Variants in TNIK observed in about 807,000 individuals in gnomAD.
TNIK encodes TRAF2 and NCK interacting kinase.
A neutral mutation model predicts 191.3 loss-of-function variants in TNIK; 49 were observed. The observed-to-expected ratio is 0.26, with a 90% CI of 0.20 to 0.32. TNIK has a LOEUF of 0.32. Ranked by LOEUF, TNIK falls within the 10% of genes least tolerant of loss-of-function variation. The probability of loss-of-function intolerance (pLI) is 1.00; values close to 1 mark genes in which losing one functional copy is unlikely to be tolerated. For synonymous variants in TNIK, 594 were observed against 600.9 expected, an observed-to-expected ratio of 0.99 and a Z score of 0.17; for missense variants, 1,155 against 1,702.3, an observed-to-expected ratio of 0.68 and a Z score of 5.66.
chr3:171,146,254 G>A (rs1392280661), intron 12 of TNIK, among the ~76,000 whole-genome samples: 1 of 152,112 alleles, frequency 6.6e-6, no homozygotes, highest in Non-Finnish European at 1.5e-5. Flanking sequence ...CTTCTACATT[G>A]TCTTCTTGTT....
chr3:171,253,294 A>AG (rs1746456604), intron 2 of TNIK, among the ~76,000 whole-genome samples: 2 of 151,672 alleles, frequency 1.3e-5, no homozygotes, highest in African/African-American at 4.8e-5. Context: ...AAAAAAAAAA[A>AG]AGAAATAACT....
At chr3:171,219,128 T>C (rs1408312445) in intron 3 of TNIK, among the ~76,000 whole-genome samples, 1 of 134,302 alleles carries the variant, frequency 7.4e-6, no homozygotes, top group Non-Finnish European at 1.5e-5. Context: ...TATAAATATA[T>C]AATTATAAAT....
chr3:171,194,074 T>C (rs1738369310), intron 5 of TNIK, among the ~76,000 whole-genome samples: 1 of 152,196 alleles, frequency 6.6e-6, no homozygotes, highest in Non-Finnish European at 1.5e-5. Context: ...ACAATCCTTA[T>C]AAACTTTATA....
chr3:171,108,551 G>A (rs146565013), intron 19 of TNIK, among the ~76,000 whole-genome samples: 16 of 152,190 alleles, frequency 1.1e-4, no homozygotes, highest in African/African-American at 2.9e-4. Flanking sequence ...ACAACTGTCC[G>A]GAGGTCACAC....
intron 2 of TNIK, among the ~76,000 whole-genome samples, chr3:171,338,145 T>A (rs906586718): frequency 6.6e-6 from 1 of 151,742 alleles, no homozygotes; most frequent in Non-Finnish European, 1.5e-5. Flanking sequence ...GGCTCCCCAC[T>A]CCAAGTCTTT....
At chr3:171,295,385 C>T (rs564345304) in intron 2 of TNIK, among the ~76,000 whole-genome samples, 1 of 152,314 alleles carries the variant, frequency 6.6e-6, no homozygotes, top group East Asian at 1.9e-4. Flanking sequence ...TCAGGCCCCT[C>T]CCCAAGAAAT....
chr3:171,423,371 T>C (rs573909951), intron 1 of TNIK, among the ~76,000 whole-genome samples: 32 of 152,048 alleles, frequency 2.1e-4, no homozygotes, highest in Non-Finnish European at 2.9e-4. Flanking sequence ...TGCTCATGGG[T>C]AGGAAGAATC....
In TNIK at chr3:171,135,294, AC is replaced by A. The variant is rs373919005; in HGVS notation, c.1608+2896del. 3.0e-3 allele frequency among the ~76,000 whole-genome samples: 458 copies of A among 152,358 alleles called. 4 individuals carry two copies. Among genetic ancestry groups the A allele is most frequent in the African/African-American group, 8.5e-3 (354 of 41,584 alleles). ...AATGCTTTACATAAAAAGTTCATAC[AC>A]TGCTGATGAGAAGCATTAAAAGATC... On this transcript the variant is annotated intron_variant, in intron 15 of 32. Coordinates refer to ENST00000436636, the MANE Select transcript of TNIK (RefSeq NM_015028.4).
chr3:171,076,486 A>G (rs551031524), intron 28 of TNIK, among the ~76,000 whole-genome samples: 1 of 152,286 alleles, frequency 6.6e-6, no homozygotes, highest in East Asian at 1.9e-4. Flanking sequence ...TGTGTCTCAT[A>G]CTTTTCTGAG....
Position 171,234,977 on chromosome 3 carries a change from T to C in TNIK, c.124-6756A>G, listed in dbSNP as rs112067102. On this transcript the variant is annotated intron_variant, in intron 2 of 32. Coordinates refer to ENST00000436636, the MANE Select transcript of TNIK (RefSeq NM_015028.4). ...CTCTCACTGGCTCTCATCTAATTTATACCACAGAATTACCACAATCATCTG... is the reference window on the plus strand; with the variant it reads ...CTCTCACTGGCTCTCATCTAATTTACACCACAGAATTACCACAATCATCTG... 5.3e-3 allele frequency among the ~76,000 whole-genome samples: 802 copies of C among 152,354 alleles called. 6 individuals are homozygous for C. Among genetic ancestry groups the C allele is most frequent in the Admixed American group, 0.012 (190 of 15,300 alleles).
At chr3:171,248,470 TGGC>T (rs1745860461) in intron 2 of TNIK, among the ~76,000 whole-genome samples, 1 of 152,214 alleles carries the variant, frequency 6.6e-6, no homozygotes, top group Non-Finnish European at 1.5e-5. Flanking sequence ...TAGTACATGT[TGGC>T]TAAAAATGAT....
intron 4 of TNIK, among the ~76,000 whole-genome samples, chr3:171,195,513 C>A (rs983103335): frequency 2.6e-5 from 4 of 152,116 alleles, no homozygotes; most frequent in African/African-American, 9.7e-5. Context: ...AATGGAGCCA[C>A]AATAAAACCA....
chr3:171,349,575 C>T (rs994432380), intron 2 of TNIK, among the ~76,000 whole-genome samples: 1 of 152,160 alleles, frequency 6.6e-6, no homozygotes, highest in African/African-American at 2.4e-5. Context: ...CAGTGTCACA[C>T]AATTAGATTG....
chr3:171,371,852 G>A (rs1213754063), intron 1 of TNIK, among the ~76,000 whole-genome samples: 7 of 152,176 alleles, frequency 4.6e-5, no homozygotes, highest in African/African-American at 1.7e-4. Context: ...TTGCTTGGTG[G>A]TGTTTCTGCA....
At chr3:171,343,267 C>A (rs1405784080) in intron 2 of TNIK, among the ~76,000 whole-genome samples, 1 of 152,134 alleles carries the variant, frequency 6.6e-6, no homozygotes, top group Non-Finnish European at 1.5e-5. Context: ...ACAGGGATAA[C>A]TCATTTTGAT....
rs192254951 is a variant in TNIK at position 171,430,743 on chromosome 3, G to T, written c.57+29264C>A. 3.0e-3 allele frequency among the ~76,000 whole-genome samples: 448 copies of T among 150,800 alleles called. 1 individual carries two copies. Among genetic ancestry groups the T allele is most frequent in the Non-Finnish European group, 4.7e-3 (321 of 67,694 alleles). On this transcript the variant is annotated intron_variant, in intron 1 of 32. Coordinates refer to ENST00000436636, the MANE Select transcript of TNIK (RefSeq NM_015028.4). The stretch of plus-strand genomic sequence containing the variant: ...TATTAAATGAATAACAAAAATAAAT[G>T]TTTTTATTTAGTAATAAATCATTTA...
At chr3:171,406,588 C>T (rs1018791176) in intron 1 of TNIK, among the ~76,000 whole-genome samples, 7 of 152,132 alleles carry the variant, frequency 4.6e-5, no homozygotes, top group Non-Finnish European at 4.4e-5. Context: ...CACTACCACA[C>T]CAGTTATTAT....
chr3:171,455,173 C>A (rs1728647907), intron 1 of TNIK, among the ~76,000 whole-genome samples: 1 of 152,214 alleles, frequency 6.6e-6, no homozygotes, highest in Non-Finnish European at 1.5e-5. Context: ...AAAAAGGCAG[C>A]TAAGGTCTGT....
chr3:171,179,954 C>G (rs1185900291), intron 7 of TNIK, among the ~76,000 whole-genome samples: 2 of 152,088 alleles, frequency 1.3e-5, no homozygotes, highest in East Asian at 3.9e-4. Flanking sequence ...ACCATTTTAC[C>G]CAAATCCCTA....
Sources: allele counts gnomAD v4.1 joint callset (sites outside exome capture counted in the v4.1 genomes callset), GRCh38; gene constraint gnomAD v4.1.1; transcripts MANE v1.5; gene names NCBI Gene and HGNC (gene_info 2026-07-23, HGNC 2026-07-21).